TRRAP: variants seen among roughly 807,000 people sequenced by gnomAD.
The protein encoded by TRRAP is transformation/transcription domain-associated protein.
A neutral mutation model predicts 438.8 loss-of-function variants in TRRAP; 41 were observed. That is an observed-to-expected ratio of 0.09 (90% CI 0.07 to 0.12). The LOEUF is 0.12. Among genes scored for constraint, TRRAP ranks in the 10% least tolerant of loss-of-function variants. The pLI, the probability that TRRAP is intolerant of heterozygous loss-of-function variation, is 1.00. For synonymous variants in TRRAP, 1,994 were observed against 1,962.9 expected, an observed-to-expected ratio of 1.02 and a Z score of -0.42; for missense variants, 3,122 against 5,055.1, an observed-to-expected ratio of 0.62 and a Z score of 11.60.
chr7:98,888,690 A>G (rs1795826588), intron 3 of TRRAP, among the ~76,000 whole-genome samples: 1 of 152,162 alleles, frequency 6.6e-6, no homozygotes, highest in Non-Finnish European at 1.5e-5. Context: ...TTTCATGGGT[A>G]GCTCCTACTT....
At chr7:98,933,966 A>C (rs1323371500) in intron 27 of TRRAP, among the ~76,000 whole-genome samples, 3 of 152,260 alleles carry the variant, frequency 2.0e-5, no homozygotes, top group Non-Finnish European at 2.9e-5. Flanking sequence ...ACTGTTATTT[A>C]GAGCATGATT....
intron 13 of TRRAP, among the ~76,000 whole-genome samples, chr7:98,907,324 A>G (rs1408970794): frequency 2.1e-5 from 3 of 144,828 alleles, no homozygotes; most frequent in Admixed American, 2.0e-4. Context: ...ACTCTGTCTC[A>G]AAAAAAAAAA....
Position 98,978,222 on chromosome 7 carries a change from C to T in TRRAP, c.8397C>T (p.Ser2799=), listed in dbSNP as rs774495000. The T allele has an allele frequency of 3.2e-5, 52 of 1,613,028 alleles. No homozygotes were observed. The highest frequency in any genetic ancestry group is 4.2e-5 in the Non-Finnish European group (49 of 1,179,710). The change falls in exon 57 of 73, where the codon TCC becomes TCT. Residue 2799 remains serine, a synonymous_variant. Transcript: ENST00000456197. ...QHGFFEQAQE[S]YEKAMDKAKK... Reference sequence around the variant, plus strand: ...TTAACTTTTTTTAGGCACAAGAATCCTATGAAAAGGCAATGGATAAAGCCA... The same window carrying T: ...TTAACTTTTTTTAGGCACAAGAATCTTATGAAAAGGCAATGGATAAAGCCA...
chr7:98,959,936 T>TAAAAAA (rs780800568), intron 45 of TRRAP, among the ~76,000 whole-genome samples: 7 of 112,686 alleles, frequency 6.2e-5, no homozygotes, highest in African/African-American at 2.3e-4. Flanking sequence ...CCTGGTCTCT[T>TAAAAAA]AAAAAAAAAA....
chr7:98,907,821 G>C (rs888763390), intron 13 of TRRAP, among the ~76,000 whole-genome samples: 3 of 148,738 alleles, frequency 2.0e-5, no homozygotes, highest in Middle Eastern at 3.2e-3. Context: ...CAGCCATGCT[G>C]GCCCCTACAG....
intron 60 of TRRAP, 111 bp from the exon 61 acceptor site, chr7:98,983,982 C>T (rs187289925): frequency 3.7e-6 from 5 of 1,348,860 alleles, no homozygotes; most frequent in Admixed American, 5.7e-5. Context: ...ACAGAGCTGC[C>T]CATTTTCATA....
At chr7:98,929,610 A>AT (rs1250818451) in intron 23 of TRRAP, among the ~76,000 whole-genome samples, 70 of 146,590 alleles carry the variant, frequency 4.8e-4, no homozygotes, top group Middle Eastern at 3.4e-3. Flanking sequence ...TTTTTAATTT[A>AT]TTTTTTTTTT....
chr7:98,921,656 A>G (rs959526883), intron 20 of TRRAP, 97 bp from the exon 21 acceptor site: 5 of 1,513,396 alleles, frequency 3.3e-6, no homozygotes, highest in African/African-American at 1.4e-5. Context: ...GATTACAGGC[A>G]TGAGCCACTA....
intron 21 of TRRAP, 63 bp from the exon 22 acceptor site, chr7:98,925,049 G>A (rs750711137): frequency 2.5e-4 from 380 of 1,544,606 alleles, no homozygotes; most frequent in Non-Finnish European, 3.0e-4. Flanking sequence ...TGCTTTCAGT[G>A]AAAGCTTTTC....
intron 5 of TRRAP, 28 bp from the exon 6 acceptor site, chr7:98,893,770 A>G (rs1380238362): frequency 1.9e-6 from 3 of 1,602,788 alleles, no homozygotes; most frequent in African/African-American, 2.7e-5. Flanking sequence ...CTTCAGAAGT[A>G]TAACTTTCAT....
At position 99,010,856 on chromosome 7, in the gene TRRAP, C is replaced by G. The variant is rs186299135; in HGVS notation, c.10939-196C>G. Among the ~76,000 whole-genome samples the G allele has an allele frequency of 1.5e-3, 229 of 152,276 alleles. 2 individuals are homozygous for G. The highest frequency in any genetic ancestry group is 5.3e-3 in the African/African-American group (219 of 41,574). On this transcript the variant is annotated intron_variant, in intron 70 of 72. Coordinates refer to ENST00000456197, the MANE Select transcript of TRRAP (RefSeq NM_001375524.1). ...ATTGGTGCTTTAGAGCAGACAGTGG[C>G]GAACCCTGGAGGGAAACAGCCATCT...
rs1554418688 is a variant in TRRAP at position 98,953,268 on chromosome 7, T to C, written c.5565T>C (p.His1855=). The C allele has an allele frequency of 1.2e-6, 2 of 1,613,702 alleles. No individual in the cohort carries two copies. Among genetic ancestry groups the C allele is most frequent in the Non-Finnish European group, 1.7e-6 (2 of 1,179,988 alleles). Residue 1855 remains histidine (H), a synonymous_variant, in exon 40 of 73, where the codon CAT becomes CAC. Coordinates refer to ENST00000456197, the MANE Select transcript of TRRAP (RefSeq NM_001375524.1). Reference sequence around the variant, plus strand: ...TGGAGCACGCCCCCCACCACATCCATGACAACAACAAGAACCGCAACAGCA... The same window carrying C: ...TGGAGCACGCCCCCCACCACATCCACGACAACAACAAGAACCGCAACAGCA... ...LLVEHAPHHI[H]DNNKNRNSKL... is the part of the protein sequence containing the mutation.
In TRRAP at chr7:98,948,540, A is replaced by G. The variant is rs1313986591; in HGVS notation, c.4669-26A>G. On this transcript the variant is annotated intron_variant, in intron 34 of 72. Coordinates refer to ENST00000456197, the MANE Select transcript of TRRAP (RefSeq NM_001375524.1). This position sits in a 1 kb window ranked among gnomAD's most constrained non-coding sequence, Gnocchi z 4.9. ...AGCTCTGAGAAGAGGAAGTTGTGAGATGCAGCATTCCCACATGTTTTGCAG... is the reference window on the plus strand; with the variant it reads ...AGCTCTGAGAAGAGGAAGTTGTGAGGTGCAGCATTCCCACATGTTTTGCAG... 9 of 1,614,052 alleles carry G rather than the reference A, an allele frequency of 5.6e-6. No homozygotes were observed. In the African/African-American group the frequency reaches 1.2e-4, roughly 22 times the overall value.
At position 98,976,884 on chromosome 7, in the gene TRRAP, G is replaced by C. The variant is rs1792684677; in HGVS notation, c.8248-55G>C. On this transcript the variant is annotated intron_variant, in intron 55 of 72. Transcript: ENST00000456197. This position sits in a 1 kb window ranked among gnomAD's most constrained non-coding sequence, Gnocchi z 4.6. The stretch of plus-strand genomic sequence containing the variant: ...GACAGCACAGTGAAACTATTTTTAG[G>C]GGGGAAAAAAAGTCTCTGTCTCAAG... 1.2e-6 allele frequency: 2 copies of C among 1,605,572 alleles called. No homozygotes were observed. The highest frequency in any genetic ancestry group is 2.2e-5 in the East Asian group (1 of 44,736).
At chr7:98,929,730 A>G (rs189122549) in intron 23 of TRRAP, among the ~76,000 whole-genome samples, 1 of 151,850 alleles carries the variant, frequency 6.6e-6, no homozygotes, top group Non-Finnish European at 1.5e-5. Context: ...AGTAGCTGGG[A>G]TTACAGGCGC....
rs886158933 is a variant in TRRAP, at chr7:98,921,856, C to T, written c.2726C>T (p.Ser909Leu). The T allele has an allele frequency of 3.7e-6, 6 of 1,614,168 alleles. No individual in the cohort carries two copies. The highest frequency in any genetic ancestry group is 4.5e-5 in the East Asian group (2 of 44,888). The change falls in exon 21 of 73, where the codon TCG becomes TTG. Residue 909 changes from serine to leucine, a missense_variant. This residue lies in a region of TRRAP where 133 missense variants were observed against 188.6 expected (regional missense o/e 0.71). Transcript: ENST00000456197. The stretch of plus-strand genomic sequence containing the variant: ...AGTAACAGGAAGATGCTGAAGGAGT[C>T]GCAGAAGCTGCACTACGTTGTGACC... ...GGSNRKMLKESQKLHYVVTEV... is the reference protein window; with the variant it reads ...GGSNRKMLKELQKLHYVVTEV...
Position 98,930,656 on chromosome 7 carries a change from T to G in TRRAP, c.3417T>G (p.Ser1139=), listed in dbSNP as rs1554412642. Residue 1139 remains serine, a synonymous_variant, in exon 25 of 73, where the codon TCT becomes TCG. Transcript: ENST00000456197. The stretch of plus-strand genomic sequence containing the variant: ...AGGCCTGCCAGCTGCCCCTGTTTTC[T>G]TACATCGTGGAGCGCCTGTGTGCAT... ...KERACQLPLF[S]YIVERLCACC... The G allele has an allele frequency of 1.2e-6, 2 of 1,613,980 alleles. No homozygotes were observed. The highest frequency in any genetic ancestry group is 1.1e-5 in the South Asian group (1 of 91,078).
chr7:98,878,600 C>G lies in TRRAP; in HGVS notation c.-99C>G, dbSNP rs1554402495. 1 of 151,014 alleles carries G rather than the reference C, an allele frequency of 6.6e-6. No individual in the cohort carries two copies. The highest frequency in any genetic ancestry group is 1.5e-5 in the Non-Finnish European group (1 of 67,708). 9.4% of individuals were successfully genotyped at this position (151,014 alleles called of 1,614,324 possible). A position where few individuals can be genotyped will look rare whatever the true frequency, so the allele number is the denominator to read the frequency against. The stretch of plus-strand genomic sequence containing the variant: ...GCTCGGCTGGGGGTCGCCGGGGTCG[C>G]GGGCCGGGCCTGCAGGAGCCGGGCC... On this transcript the variant is annotated 5_prime_UTR_variant, in exon 1 of 73. Transcript: ENST00000456197.
intron 6 of TRRAP, among the ~76,000 whole-genome samples, chr7:98,894,311 A>T (rs1212863215): frequency 6.6e-6 from 1 of 152,204 alleles, no homozygotes; most frequent in Non-Finnish European, 1.5e-5. Context: ...TATGTCCTTA[A>T]AATGTCATTT....
Sources: allele counts gnomAD v4.1 joint callset (sites outside exome capture counted in the v4.1 genomes callset), GRCh38; gene constraint gnomAD v4.1.1; regional missense constraint gnomAD v4.1.1; non-coding constraint Gnocchi (gnomAD v3.1); transcripts MANE v1.5; gene names NCBI Gene and HGNC (gene_info 2026-07-23, HGNC 2026-07-21).